Variants in IPP observed in about 807,000 individuals in gnomAD.
IPP encodes actin-binding protein IPP.
A neutral mutation model predicts 64.1 loss-of-function variants in IPP; 41 were observed. The ratio of observed to expected loss-of-function variants is 0.64; its 90% CI spans 0.50 to 0.83. The LOEUF (loss-of-function observed/expected upper bound fraction) is 0.83, where lower values mean the gene tolerates loss of function less well. Among genes scored for constraint, IPP ranks in the 40% least tolerant of loss-of-function variants. IPP has a pLI of 0.00. For missense variants in IPP, 649 were observed against 703.0 expected (o/e 0.92, Z 0.87); for synonymous variants, 214 against 235.2 (o/e 0.91, Z 0.83).
chr1:45,697,251 T>C (rs1645394994), downstream of IPP: 1 of 152,134 alleles, frequency 6.6e-6, no homozygotes, highest in African/African-American at 2.4e-5. Flanking sequence ...CCAAATATTT[T>C]TTGTTTTATT....
chr1:45,701,643 T>C (rs1382481984), intron 8 of IPP, among the ~76,000 whole-genome samples: 3 of 152,150 alleles, frequency 2.0e-5, no homozygotes, highest in Non-Finnish European at 2.9e-5. Flanking sequence ...AGAAAGCTAC[T>C]AAAGGTCCTA....
In IPP at chr1:45,732,663, TA is replaced by T. The variant is rs1351454407; in HGVS notation, c.725-2895del. Among the ~76,000 whole-genome samples the T allele has an allele frequency of 1.9e-4, 15 of 78,804 alleles. No homozygotes were observed. In the East Asian group the frequency reaches 6.4e-3, roughly 33 times the overall value. The allele number at this position is 78,804 out of a possible 152,430, so 51.7% of individuals were successfully genotyped here. On this transcript the variant is annotated intron_variant, in intron 3 of 8. Transcript: ENST00000396478. ...CCAAATGAAACATTTAAAGTATTTTTATTTATTTATTTATTTATTTAGAGAC... is the reference window on the plus strand; with the variant it reads ...CCAAATGAAACATTTAAAGTATTTTTTTTATTTATTTATTTATTTAGAGAC...
At chr1:45,695,812 G>C (rs1197219435), downstream of IPP, among the ~76,000 whole-genome samples, 1 of 152,126 alleles carries the variant, frequency 6.6e-6, no homozygotes, top group Admixed American at 6.5e-5. Context: ...TGGGATTACA[G>C]GCATGCGCCA....
intron 3 of IPP, among the ~76,000 whole-genome samples, chr1:45,736,990 C>T (rs554504243): frequency 6.0e-5 from 9 of 150,036 alleles, no homozygotes; most frequent in Admixed American, 5.4e-4. Context: ...TTGCAGTGAG[C>T]CGAGATCGCG....
intron 8 of IPP, among the ~76,000 whole-genome samples, chr1:45,706,570 C>A (rs1032067075): frequency 6.6e-5 from 10 of 152,146 alleles, no homozygotes; most frequent in African/African-American, 9.7e-5. Flanking sequence ...CTCCCTCAGC[C>A]CCCCAAGTAG....
Position 45,740,970 on chromosome 1 carries a change from C to A in IPP, c.655G>T (p.Val219Leu). 6.2e-7 allele frequency: 1 copy of A among 1,613,832 alleles called. No individual in the cohort carries two copies. Among genetic ancestry groups the A allele is most frequent in the Non-Finnish European group, 8.5e-7 (1 of 1,179,878 alleles). ...LKDLGKRRKHVVEVLDPIRFP... is the reference protein window; with the variant it reads ...LKDLGKRRKHLVEVLDPIRFP... ...CGAATTGGGTCTAGCACTTCCACCA[C>A]ATGTTTTCTTCTTTTTCCCAAATCT... The change falls in exon 3 of 9, where the codon GTG becomes TTG. Residue 219 changes from valine to leucine, a missense_variant. By Grantham distance (32) the Val-to-Leu change is conservative (BLOSUM62 1). Transcript: ENST00000396478.
rs752867806 is a variant in IPP at position 45,740,945 on chromosome 1, C to T, written c.680G>A (p.Arg227Gln). Residue 227 changes from arginine to glutamine, a missense_variant, in exon 3 of 9, where the codon CGA becomes CAA. Coordinates refer to ENST00000396478, the MANE Select transcript of IPP (RefSeq NM_005897.3). Reference sequence around the variant, plus strand: ...TCTCTGAGGAGGTAATAAAGGGAATCGAATTGGGTCTAGCACTTCCACCAC... The same window carrying T: ...TCTCTGAGGAGGTAATAAAGGGAATTGAATTGGGTCTAGCACTTCCACCAC... ...KHVVEVLDPI[R>Q]FPLLPPQRLL... 91 of 1,608,894 alleles carry T rather than the reference C, an allele frequency of 5.7e-5. 1 individual carries two copies. The highest frequency in any genetic ancestry group is 7.2e-5 in the Non-Finnish European group (85 of 1,178,452).
intron 8 of IPP, among the ~76,000 whole-genome samples, chr1:45,711,051 C>T (rs1277070631): frequency 6.8e-6 from 1 of 148,056 alleles, no homozygotes; most frequent in Non-Finnish European, 1.5e-5. Flanking sequence ...AAGACCACAA[C>T]TGGCTGGGTG....
At chr1:45,719,465 A>G (rs1645703296) in intron 5 of IPP, 125 bp from the exon 6 acceptor site, 6 of 588,252 alleles carry the variant, frequency 1.0e-5, no homozygotes, top group Middle Eastern at 4.5e-4. Flanking sequence ...ATTTTATACT[A>G]TTCATTAACT....
chr1:45,694,511 A>T (rs753788280), downstream of IPP: 13 of 1,523,748 alleles, frequency 8.5e-6, 1 homozygote, highest in South Asian at 1.6e-4. Flanking sequence ...CGTATCTGTG[A>T]GTATCTGAAA....
Position 45,741,790 on chromosome 1 carries a change from G to A in IPP, c.293-458C>T, listed in dbSNP as rs1646070595. Among the ~76,000 whole-genome samples the A allele has an allele frequency of 1.6e-5, 2 of 126,748 alleles. 1 individual carries two copies. The highest frequency in any genetic ancestry group is 1.7e-4 in the Admixed American group (2 of 12,010). 83.2% of individuals were successfully genotyped at this position (126,748 alleles called of 152,430 possible). A position where few individuals can be genotyped will look rare whatever the true frequency, so the allele number is the denominator to read the frequency against. On this transcript the variant is annotated intron_variant, in intron 2 of 8. Transcript: ENST00000396478. The stretch of plus-strand genomic sequence containing the variant: ...ACTACAGGCGCCCGCCACTGCGCCC[G>A]GCTAATTTTTTGTATTTTTAGTAGA...
Position 45,741,264 on chromosome 1 carries a change from C to A in IPP, c.361G>T (p.Glu121Ter). 6.2e-7 allele frequency: 1 copy of A among 1,613,988 alleles called. No individual in the cohort carries two copies. The highest frequency in any genetic ancestry group is 8.5e-7 in the Non-Finnish European group (1 of 1,179,870). ...IIAADMLQLT[E>*]VVHLCCEFLK... Reference sequence around the variant, plus strand: ...AATTCACAGCAAAGATGAACAACTTCAGTCAACTGTAGCATGTCTGCTGCA... The same window carrying A: ...AATTCACAGCAAAGATGAACAACTTAAGTCAACTGTAGCATGTCTGCTGCA... Residue 121 changes from glutamate (E) to a stop codon, truncating the protein, a stop_gained, in exon 3 of 9, where the codon GAA (glutamate) becomes TAA (stop). Coordinates refer to ENST00000396478, the MANE Select transcript of IPP (RefSeq NM_005897.3). LOFTEE classifies it high-confidence loss of function.
chr1:45,734,449 T>G (rs1486761417), intron 3 of IPP, among the ~76,000 whole-genome samples: 2 of 152,052 alleles, frequency 1.3e-5, no homozygotes, highest in Non-Finnish European at 2.9e-5. Flanking sequence ...TTATTTTTTT[T>G]TCTTTGAGAC....
rs572186738 is a variant in IPP at position 45,699,729 on chromosome 1, C to G, written c.*237G>C. The G allele has an allele frequency of 1.6e-6, 2 of 1,225,276 alleles. No homozygotes were observed. Among genetic ancestry groups the G allele is most frequent in the East Asian group, 2.8e-5 (1 of 35,430 alleles). 75.9% of individuals were successfully genotyped at this position (1,225,276 alleles called of 1,614,324 possible). A position where few individuals can be genotyped will look rare whatever the true frequency, so the allele number is the denominator to read the frequency against. ...CCAGAGTGGAGTGCAGTGGCATGAT[C>G]GTAGCTTACTACAACCTCAAATTCC... On this transcript the variant is annotated 3_prime_UTR_variant, in exon 9 of 9. Transcript: ENST00000396478.
At chr1:45,713,756 A>T (rs190040611) in intron 8 of IPP, among the ~76,000 whole-genome samples, 1 of 152,030 alleles carries the variant, frequency 6.6e-6, no homozygotes, top group Non-Finnish European at 1.5e-5. Context: ...ATACAGTCTC[A>T]CTATGCTGTT....
chr1:45,737,804 G>T (rs538252087), intron 3 of IPP, among the ~76,000 whole-genome samples: 1 of 152,136 alleles, frequency 6.6e-6, no homozygotes, highest in Admixed American at 6.6e-5. Flanking sequence ...TTGATTAACA[G>T]CCTAACACTG....
intron 3 of IPP, among the ~76,000 whole-genome samples, chr1:45,733,341 G>A (rs1334658408): frequency 6.6e-6 from 1 of 151,796 alleles, no homozygotes; most frequent in Admixed American, 6.6e-5. Flanking sequence ...CAGAAGAATT[G>A]CTTGAACCCA....
At chr1:45,705,725 G>C (rs530013098) in intron 8 of IPP, among the ~76,000 whole-genome samples, 1 of 152,130 alleles carries the variant, frequency 6.6e-6, no homozygotes, top group African/African-American at 2.4e-5. Context: ...AGAATCACTC[G>C]AACCCAGGAA....
At chr1:45,706,757 T>C (rs1183601661) in intron 8 of IPP, among the ~76,000 whole-genome samples, 1 of 152,152 alleles carries the variant, frequency 6.6e-6, no homozygotes, top group Non-Finnish European at 1.5e-5. Flanking sequence ...GCCTAAATAA[T>C]TTTTTTAAGT....
Sources: allele counts gnomAD v4.1 joint callset (sites outside exome capture counted in the v4.1 genomes callset), GRCh38; gene constraint gnomAD v4.1.1; transcripts MANE v1.5; gene names NCBI Gene and HGNC (gene_info 2026-07-23, HGNC 2026-07-21).